Variants in STK32B observed in about 807,000 individuals in gnomAD.
STK32B encodes the protein serine/threonine kinase 32B, also known as serine/threonine-protein kinase 32B.
Under a neutral mutation model 52.6 loss-of-function variants are expected in STK32B, and 43 were observed. The ratio of observed to expected loss-of-function variants is 0.82; its 90% CI spans 0.64 to 1.05. STK32B has a LOEUF of 1.05. STK32B is among the 50% of genes least tolerant of loss of function. The pLI is 0.00. For missense variants in STK32B, 621 were observed against 534.6 expected (o/e 1.16, Z -1.59); for synonymous variants, 238 against 204.3 (o/e 1.17, Z -1.41).
intron 3 of STK32B, among the ~76,000 whole-genome samples, chr4:5,268,403 T>C (rs1293991731): frequency 6.6e-6 from 1 of 152,158 alleles, no homozygotes; most frequent in Non-Finnish European, 1.5e-5. Context: ...AGCCGCTTTC[T>C]CCTTATCATT....
chr4:5,446,446 A>C (rs1577515192), intron 6 of STK32B, among the ~76,000 whole-genome samples: 1 of 152,072 alleles, frequency 6.6e-6, no homozygotes, highest in East Asian at 1.9e-4. Context: ...GGTGCCTGTA[A>C]TCTCAGCTGC....
At chr4:5,492,970 C>T (rs79631992) in intron 11 of STK32B, among the ~76,000 whole-genome samples, 4 of 150,646 alleles carry the variant, frequency 2.7e-5, no homozygotes, top group African/African-American at 5.0e-5. Context: ...CTGCTGGATT[C>T]GGTTTGCCAG....
intron 11 of STK32B, among the ~76,000 whole-genome samples, chr4:5,484,727 C>T (rs1719004623): frequency 6.6e-6 from 1 of 152,078 alleles, no homozygotes; most frequent in Non-Finnish European, 1.5e-5. Context: ...TGGCTGGTAC[C>T]AGTTGTTCCT....
intron 4 of STK32B, among the ~76,000 whole-genome samples, chr4:5,336,521 A>G (rs1293514112): frequency 1.3e-5 from 2 of 152,186 alleles, no homozygotes; most frequent in Non-Finnish European, 2.9e-5. Context: ...TCAGACGATA[A>G]AAGAAGAATT....
chr4:5,461,770 AG>A (rs2109153904), intron 9 of STK32B, among the ~76,000 whole-genome samples: 1 of 152,152 alleles, frequency 6.6e-6, no homozygotes, highest in East Asian at 1.9e-4. Context: ...TCATTCTTCC[AG>A]GCCTGGCCAT....
chr4:5,353,077 A>C (rs1422850285), intron 4 of STK32B, among the ~76,000 whole-genome samples: 2 of 152,144 alleles, frequency 1.3e-5, no homozygotes, highest in Admixed American at 6.5e-5. Context: ...CAATGGGAAA[A>C]AAATAGAAAA....
At chr4:5,037,451 T>C in the STK32B span, among the ~76,000 whole-genome samples, 1 of 152,200 alleles carries the variant, frequency 6.6e-6, no homozygotes, top group African/African-American at 2.4e-5. Context: ...AGTTGAGTGA[T>C]TGAATAAATT....
At chr4:5,322,692 C>G (rs1731594633) in intron 3 of STK32B, among the ~76,000 whole-genome samples, 2 of 152,174 alleles carry the variant, frequency 1.3e-5, no homozygotes, top group Admixed American at 6.5e-5. Flanking sequence ...CTTTCCCTTT[C>G]CAGCCCTCCC....
At chr4:5,454,195 A>G (rs1716290942) in intron 7 of STK32B, among the ~76,000 whole-genome samples, 2 of 152,166 alleles carry the variant, frequency 1.3e-5, no homozygotes, top group African/African-American at 4.8e-5. Context: ...AGCAGAGTCA[A>G]AGTCAGCCAC....
Position 5,437,942 on chromosome 4 carries a change from G to C in STK32B, c.563-8731G>C, listed in dbSNP as rs957783999. 11 of 985,328 alleles carry C rather than the reference G, an allele frequency of 1.1e-5. No individual in the cohort carries two copies. The African/African-American group carries it at 1.7e-4, about 16-fold the overall frequency. 61.0% of individuals were successfully genotyped at this position (985,328 alleles called of 1,614,324 possible). Reference sequence around the variant, plus strand: ...GTTCTACCATCAGCTCCAAGTGTGTGGGGGAGGAGGGAATGTCACCTTCTC... The same window carrying C: ...GTTCTACCATCAGCTCCAAGTGTGTCGGGGAGGAGGGAATGTCACCTTCTC... On this transcript the variant is annotated intron_variant, in intron 6 of 11. Coordinates refer to ENST00000282908, the MANE Select transcript of STK32B (RefSeq NM_018401.3).
intron 3 of STK32B, among the ~76,000 whole-genome samples, chr4:5,270,067 G>T (rs950354458): frequency 6.6e-6 from 1 of 152,102 alleles, no homozygotes; most frequent in South Asian, 2.1e-4. Flanking sequence ...TTCATTCCTG[G>T]TAAAAAACTC....
intron 5 of STK32B, among the ~76,000 whole-genome samples, chr4:5,411,039 T>C (rs1028996068): frequency 2.8e-5 from 4 of 140,470 alleles, no homozygotes; most frequent in Non-Finnish European, 4.7e-5. Flanking sequence ...GCCCCATCTC[T>C]TTTTTTTTTT....
At chr4:5,357,290 A>G (rs1451397526) in intron 4 of STK32B, among the ~76,000 whole-genome samples, 2 of 123,218 alleles carry the variant, frequency 1.6e-5, no homozygotes, top group Admixed American at 1.1e-4. Flanking sequence ...AGAAACTACA[A>G]TGGATAAATA....
At chr4:5,037,801 T>G in the STK32B span, among the ~76,000 whole-genome samples, 1 of 152,206 alleles carries the variant, frequency 6.6e-6, no homozygotes, top group Non-Finnish European at 1.5e-5. Context: ...TGACACTGCT[T>G]TTATTTACCA....
At chr4:5,060,275 A>G (rs867236445) in intron 1 of STK32B, among the ~76,000 whole-genome samples, 2 of 152,044 alleles carry the variant, frequency 1.3e-5, no homozygotes, top group Non-Finnish European at 2.9e-5. Flanking sequence ...CAGGACTGTT[A>G]TTATTGATAA....
intron 4 of STK32B, among the ~76,000 whole-genome samples, chr4:5,336,022 G>C (rs1560330828): frequency 1.3e-5 from 2 of 151,116 alleles, no homozygotes; most frequent in African/African-American, 2.4e-5. Flanking sequence ...CCGAAAGGAA[G>C]ACTAAAGGTT....
At chr4:5,224,626 A>G (rs1281828244) in intron 3 of STK32B, among the ~76,000 whole-genome samples, 1 of 152,164 alleles carries the variant, frequency 6.6e-6, no homozygotes, top group African/African-American at 2.4e-5. Flanking sequence ...AGAGCTTGCT[A>G]ATAGCTACTG....
chr4:5,068,531 T>G (rs2108764853), intron 1 of STK32B, among the ~76,000 whole-genome samples: 1 of 152,332 alleles, frequency 6.6e-6, no homozygotes, highest in South Asian at 2.1e-4. Context: ...TTAACTAAGT[T>G]GTCTTAGGTG....
chr4:5,458,205 C>A (rs6810392), intron 8 of STK32B, among the ~76,000 whole-genome samples: 1 of 151,886 alleles, frequency 6.6e-6, no homozygotes, highest in Admixed American at 6.5e-5. Context: ...CACTCCAGTC[C>A]GACATGGGCG....
Sources: allele counts gnomAD v4.1 joint callset (sites outside exome capture counted in the v4.1 genomes callset), GRCh38; gene constraint gnomAD v4.1.1; transcripts MANE v1.5; gene names NCBI Gene and HGNC (gene_info 2026-07-23, HGNC 2026-07-21).